The following ASTN2 variants were observed in gnomAD, a reference collection of about 807,000 sequenced individuals.
ASTN2 encodes astrotactin-2.
Under a neutral mutation model 139.8 loss-of-function variants are expected in ASTN2, and 54 were observed. That is an observed-to-expected ratio of 0.39 (90% confidence interval 0.31 to 0.48). The LOEUF is 0.48. Among genes scored for constraint, ASTN2 ranks in the 20% least tolerant of loss-of-function variants. The pLI is 0.95. For missense variants in ASTN2, 1,565 were observed against 1,725.1 expected, an observed-to-expected ratio of 0.91 and a Z score of 1.64; for synonymous variants, 756 against 719.5, an observed-to-expected ratio of 1.05 and a Z score of -0.81.
intron 19 of ASTN2, among the ~76,000 whole-genome samples, chr9:116,510,667 T>C (rs1322298262): frequency 6.6e-6 from 1 of 152,218 alleles, no homozygotes; most frequent in Admixed American, 6.5e-5. Context: ...TTGTAACCTC[T>C]TTTATTTCGT....
intron 11 of ASTN2, among the ~76,000 whole-genome samples, chr9:116,854,654 T>C (rs1446775348): frequency 2.1e-4 from 31 of 147,988 alleles, no homozygotes; most frequent in East Asian, 1.4e-3. Context: ...CTTCTCTCTT[T>C]TTTTTTTTTT....
At chr9:117,401,456 G>A (rs1588015410) in intron 1 of ASTN2, among the ~76,000 whole-genome samples, 1 of 152,250 alleles carries the variant, frequency 6.6e-6, no homozygotes, top group African/African-American at 2.4e-5. Flanking sequence ...AGAGAAAAAG[G>A]CAAATTATTT....
chr9:117,347,740 T>C (rs1829267108), intron 1 of ASTN2, among the ~76,000 whole-genome samples: 1 of 152,160 alleles, frequency 6.6e-6, no homozygotes, highest in Admixed American at 6.5e-5. Context: ...CAGCGGATTC[T>C]CAAGGGCTGG....
At chr9:116,476,758 C>A (rs150903997) in intron 20 of ASTN2, among the ~76,000 whole-genome samples, 35 of 152,348 alleles carry the variant, frequency 2.3e-4, no homozygotes, top group African/African-American at 3.6e-4. Context: ...GAGCAACACT[C>A]GCTGGTCCCC....
At chr9:116,921,643 G>A (rs1395309052) in intron 10 of ASTN2, among the ~76,000 whole-genome samples, 4 of 151,304 alleles carry the variant, frequency 2.6e-5, no homozygotes. Flanking sequence ...AAACAAAGGA[G>A]GTTTAATTGA....
At chr9:116,527,430 A>T (rs1482141927) in intron 19 of ASTN2, among the ~76,000 whole-genome samples, 1 of 152,208 alleles carries the variant, frequency 6.6e-6, no homozygotes. Flanking sequence ...AAAAATGCTC[A>T]ATATCACTAA....
chr9:116,479,445 G>A (rs555093131), intron 20 of ASTN2, among the ~76,000 whole-genome samples: 2 of 148,514 alleles, frequency 1.3e-5, no homozygotes, highest in African/African-American at 4.9e-5. Flanking sequence ...TGGTGGACAG[G>A]CCAGCAATGC....
intron 19 of ASTN2, among the ~76,000 whole-genome samples, chr9:116,531,698 TC>T (rs1474307351): frequency 5.9e-5 from 9 of 152,204 alleles, no homozygotes; most frequent in African/African-American, 1.7e-4. Flanking sequence ...CATGAACTCA[TC>T]CTTTTTTATG....
Position 116,699,599 on chromosome 9 carries a change from G to C in ASTN2, c.2806+26172C>G. 2.5e-6 allele frequency: 4 copies of C among 1,614,176 alleles called. No individual in the cohort carries two copies. The highest frequency in any genetic ancestry group is 3.4e-6 in the Non-Finnish European group (4 of 1,180,022). On this transcript the variant is annotated intron_variant, in intron 16 of 22. Coordinates refer to ENST00000313400, the MANE Select transcript of ASTN2 (RefSeq NM_001365068.1). This position sits in a 1 kb window ranked among gnomAD's most constrained non-coding sequence, Gnocchi z 4.2. ...TTATTCGAGAGGGACTTACCTGTCCGGTGGGCATAGCCCTAACTCCTAAGG... is the reference window on the plus strand; with the variant it reads ...TTATTCGAGAGGGACTTACCTGTCCCGTGGGCATAGCCCTAACTCCTAAGG...
intron 15 of ASTN2, among the ~76,000 whole-genome samples, chr9:116,727,876 T>C (rs1291784625): frequency 1.3e-5 from 2 of 152,218 alleles, no homozygotes; most frequent in Non-Finnish European, 2.9e-5. Context: ...AAATGAACTA[T>C]TATAAAATGC....
chr9:116,478,869 G>A (rs951366567), intron 20 of ASTN2, among the ~76,000 whole-genome samples: 2 of 151,904 alleles, frequency 1.3e-5, no homozygotes, highest in Non-Finnish European at 2.9e-5. Flanking sequence ...GCACGTGCCT[G>A]TAGTCCCAGC....
chr9:116,634,589 CAAAAAAAAAA>C (rs57882262), intron 17 of ASTN2, among the ~76,000 whole-genome samples: 43,221 of 103,990 alleles, frequency 0.42, 7,404 homozygotes, highest in Admixed American at 0.54. Context: ...GACTCCGTCT[CAAAAAAAAAA>C]AAAAAAAAAA....
At chr9:117,174,621 T>C (rs989951899) in intron 3 of ASTN2, among the ~76,000 whole-genome samples, 5 of 151,980 alleles carry the variant, frequency 3.3e-5, no homozygotes, top group African/African-American at 1.2e-4. Flanking sequence ...TTAACAAAGA[T>C]GTTAAAAAAC....
chr9:116,682,821 A>G (rs1859970444), intron 16 of ASTN2, among the ~76,000 whole-genome samples: 1 of 152,052 alleles, frequency 6.6e-6, no homozygotes, highest in South Asian at 2.1e-4. Context: ...GTGGGAATTG[A>G]ACAATGAGAA....
chr9:117,015,803 G>T (rs1020566903), intron 6 of ASTN2, among the ~76,000 whole-genome samples: 1 of 152,090 alleles, frequency 6.6e-6, no homozygotes, highest in African/African-American at 2.4e-5. Context: ...TAGCAACTTG[G>T]TTAAGATTGG....
At chr9:116,523,588 A>G (rs1439178235) in intron 19 of ASTN2, among the ~76,000 whole-genome samples, 1 of 152,148 alleles carries the variant, frequency 6.6e-6, no homozygotes, top group Non-Finnish European at 1.5e-5. Flanking sequence ...TGATATAGAA[A>G]GATCTTAATA....
At chr9:117,218,921 T>G (rs1255603357) in intron 2 of ASTN2, among the ~76,000 whole-genome samples, 1 of 152,178 alleles carries the variant, frequency 6.6e-6, no homozygotes, top group African/African-American at 2.4e-5. Flanking sequence ...AAGTGAGATG[T>G]GAACTAATGG....
chr9:116,711,335 T>C (rs1044847969), intron 16 of ASTN2, among the ~76,000 whole-genome samples: 6 of 152,200 alleles, frequency 3.9e-5, no homozygotes, highest in Admixed American at 2.0e-4. Context: ...TCAGCCTCTC[T>C]GAATGAAATA....
intron 19 of ASTN2, among the ~76,000 whole-genome samples, chr9:116,549,976 C>G (rs1013058183): frequency 6.6e-6 from 1 of 152,208 alleles, no homozygotes; most frequent in Non-Finnish European, 1.5e-5. Context: ...CACTCTCCTA[C>G]GCAATGGAAC....
Sources: allele counts gnomAD v4.1 joint callset (sites outside exome capture counted in the v4.1 genomes callset), GRCh38; gene constraint gnomAD v4.1.1; non-coding constraint Gnocchi (gnomAD v3.1); transcripts MANE v1.5; gene names NCBI Gene and HGNC (gene_info 2026-07-23, HGNC 2026-07-21).